FLT3: variants seen among roughly 807,000 people sequenced by gnomAD.
The protein encoded by FLT3 is receptor-type tyrosine-protein kinase FLT3.
In FLT3, 46 loss-of-function variants were observed where a neutral mutation model predicts 126.6. That is an observed-to-expected ratio of 0.36 (90% CI 0.29 to 0.46). FLT3 has a LOEUF of 0.46. FLT3 is among the 20% of genes least tolerant of loss of function. The probability of loss-of-function intolerance (pLI) is 1.00; values close to 1 mark genes in which losing one functional copy is unlikely to be tolerated. For synonymous variants in FLT3, 404 were observed against 434.4 expected (o/e 0.93, Z 0.87); for missense variants, 1,069 against 1,190.3 (o/e 0.90, Z 1.50).
intron 17 of FLT3, among the ~76,000 whole-genome samples, chr13:28,026,595 CAG>C (rs1227016241): frequency 6.8e-6 from 1 of 146,598 alleles, no homozygotes; most frequent in Non-Finnish European, 1.5e-5. Flanking sequence ...AGGATAAACA[CAG>C]AGCAGAGACA....
chr13:28,058,490 C>T (rs1301048573), intron 3 of FLT3, among the ~76,000 whole-genome samples: 1 of 152,068 alleles, frequency 6.6e-6, no homozygotes, highest in Non-Finnish European at 1.5e-5. Context: ...CCAGCCTGGG[C>T]AACAAGATTG....
chr13:28,095,186 T>C (rs1364185709), intron 1 of FLT3, among the ~76,000 whole-genome samples: 1 of 152,152 alleles, frequency 6.6e-6, no homozygotes, highest in Non-Finnish European at 1.5e-5. Context: ...CCACCTACTG[T>C]GAAGTTCACA....
At chr13:28,072,692 G>A (rs1013264243) in intron 1 of FLT3, among the ~76,000 whole-genome samples, 51 of 152,230 alleles carry the variant, frequency 3.4e-4, no homozygotes, top group African/African-American at 1.1e-3. Flanking sequence ...CACTGTGCCT[G>A]GCCAAGATCT....
rs568364150 is a variant in FLT3 at position 28,014,640 on chromosome 13, T to C, written c.2754-83A>G. 7 of 925,110 alleles carry C rather than the reference T, an allele frequency of 7.6e-6. No individual in the cohort carries two copies. The African/African-American group carries it at 9.8e-5, about 13-fold the overall frequency. The allele number at this position is 925,110 out of a possible 1,614,324, so 57.3% of individuals were successfully genotyped here. ...TCATTTTCCATATAATGAAGCACCA[T>C]TTATTCCTCTGGAGCTGCTTATTTA... On this transcript the variant is annotated intron_variant, in intron 22 of 23. Coordinates refer to ENST00000241453, the MANE Select transcript of FLT3 (RefSeq NM_004119.3).
chr13:28,090,126 C>T lies in FLT3; in HGVS notation c.43+10342G>A, dbSNP rs184947732. Among the ~76,000 whole-genome samples, 116 of 151,874 alleles carry T rather than the reference C, an allele frequency of 7.6e-4. 2 individuals are homozygous for T. The highest frequency in any genetic ancestry group is 2.6e-3 in the African/African-American group (107 of 41,312). On this transcript the variant is annotated intron_variant, in intron 1 of 23. Transcript: ENST00000241453. ...CACAATCTCAGCTCACTGCAACCTC[C>T]GCCTCCCAGGTTCAAATGATTATCC...
chr13:28,012,492 A>G (rs1420433703), intron 23 of FLT3, among the ~76,000 whole-genome samples: 2 of 151,850 alleles, frequency 1.3e-5, no homozygotes, highest in Non-Finnish European at 2.9e-5. Flanking sequence ...TACTTTTTCA[A>G]CTTTGGACTT....
At chr13:28,073,791 T>C (rs1035899733) in intron 1 of FLT3, among the ~76,000 whole-genome samples, 7 of 151,864 alleles carry the variant, frequency 4.6e-5, no homozygotes, top group Admixed American at 3.3e-4. Context: ...TTTTAAAACA[T>C]TAGCCAAGTG....
chr13:28,028,262 C>A lies in FLT3; in HGVS notation c.1969G>T (p.Ala657Ser). 2.5e-6 allele frequency: 4 copies of A among 1,604,608 alleles called. No homozygotes were observed. The highest frequency in any genetic ancestry group is 2.6e-6 in the Non-Finnish European group (3 of 1,171,462). Reference sequence around the variant, plus strand: ...ATCATCTTGAGTTCTGACATGAGTGCCTCTCTTTCAGAGCTGTCTGCTTTT... The same window carrying A: ...ATCATCTTGAGTTCTGACATGAGTGACTCTCTTTCAGAGCTGTCTGCTTTT... ...KEKADSSERE[A>S]LMSELKMMTQ... Residue 657 changes from alanine (A) to serine (S), a missense_variant, in exon 16 of 24, where the codon GCA (alanine) becomes TCA (serine). Physicochemically the swap from Ala to Ser is moderately conservative, Grantham distance 99. Coordinates refer to ENST00000241453, the MANE Select transcript of FLT3 (RefSeq NM_004119.3).
chr13:28,017,205 A>G (rs1871940921), intron 20 of FLT3, among the ~76,000 whole-genome samples: 1 of 152,152 alleles, frequency 6.6e-6, no homozygotes, highest in South Asian at 2.1e-4. Flanking sequence ...TTATTATTTC[A>G]CAAGTAGGGA....
At chr13:28,038,026 G>A (rs1435652590) in intron 9 of FLT3, among the ~76,000 whole-genome samples, 1 of 152,194 alleles carries the variant, frequency 6.6e-6, no homozygotes, top group African/African-American at 2.4e-5. Context: ...GTTGGGGACT[G>A]CTGCTGTAGC....
chr13:28,029,654 T>G (rs899399626), intron 15 of FLT3, among the ~76,000 whole-genome samples: 1 of 152,188 alleles, frequency 6.6e-6, no homozygotes, highest in African/African-American at 2.4e-5. Context: ...GTGAGCATGG[T>G]TGACTCTAGC....
intron 1 of FLT3, among the ~76,000 whole-genome samples, chr13:28,070,843 A>T (rs1359752305): frequency 1.3e-5 from 2 of 152,158 alleles, no homozygotes; most frequent in Non-Finnish European, 2.9e-5. Context: ...GACATGTTCT[A>T]TGCCTGTGCT....
chr13:28,077,184 T>C (rs769649920), intron 1 of FLT3, among the ~76,000 whole-genome samples: 6 of 152,056 alleles, frequency 3.9e-5, no homozygotes, highest in Admixed American at 2.0e-4. Context: ...CACAGTTACA[T>C]AGTGTGTGTG....
At chr13:28,032,839 A>G (rs1481269905) in intron 15 of FLT3, among the ~76,000 whole-genome samples, 3 of 152,332 alleles carry the variant, frequency 2.0e-5, no homozygotes, top group African/African-American at 7.2e-5. Context: ...CTGAACAATC[A>G]AGTAATGAGG....
rs567778835 is a variant in FLT3 at position 28,005,186 on chromosome 13, G to A, written c.2860-1012C>T. On this transcript the variant is annotated intron_variant, in intron 23 of 23. Coordinates refer to ENST00000241453, the MANE Select transcript of FLT3 (RefSeq NM_004119.3). Reference sequence around the variant, plus strand: ...CTCTACTAAAAATACAAAACTAGCCGGGCATGGCGGCGCGCGCCTGCAGTC... The same window carrying A: ...CTCTACTAAAAATACAAAACTAGCCAGGCATGGCGGCGCGCGCCTGCAGTC... Among the ~76,000 whole-genome samples, 11 of 152,232 alleles carry A rather than the reference G, an allele frequency of 7.2e-5. No individual in the cohort carries two copies. The East Asian group carries it at 7.7e-4, about 11-fold the overall frequency.
At position 28,028,217 on chromosome 13, in the gene FLT3, C is replaced by T. The variant is rs1367367961; in HGVS notation, c.2014G>A (p.Glu672Lys). Reference sequence around the variant, plus strand: ...GCCCCCAGCAGGTTCACAATATTCTCGTGGCTTCCCAGCTGGGTCATCATC... The same window carrying T: ...GCCCCCAGCAGGTTCACAATATTCTTGTGGCTTCCCAGCTGGGTCATCATC... Reference protein sequence around the residue: ...LKMMTQLGSHENIVNLLGACT... With the variant: ...LKMMTQLGSHKNIVNLLGACT... Residue 672 changes from glutamate (E) to lysine (K), a missense_variant, in exon 16 of 24, where the codon GAG becomes AAG. Physicochemically the swap from Glu to Lys is moderately conservative, Grantham distance 56. Coordinates refer to ENST00000241453, the MANE Select transcript of FLT3 (RefSeq NM_004119.3). 11 of 1,611,636 alleles carry T rather than the reference C, an allele frequency of 6.8e-6. No individual in the cohort carries two copies. Among genetic ancestry groups the T allele is most frequent in the East Asian group, 2.2e-5 (1 of 44,864 alleles).
At chr13:28,020,771 A>C (rs1271873242) in intron 19 of FLT3, among the ~76,000 whole-genome samples, 1 of 152,084 alleles carries the variant, frequency 6.6e-6, no homozygotes, top group Admixed American at 6.6e-5. Flanking sequence ...AGTGCTTGGC[A>C]TGTAGCTGGG....
At chr13:28,093,450 C>G (rs552850086) in intron 1 of FLT3, among the ~76,000 whole-genome samples, 27 of 152,246 alleles carry the variant, frequency 1.8e-4, no homozygotes, top group Middle Eastern at 6.8e-3. Flanking sequence ...TCAGGCAACC[C>G]TGAATTTTCT....
chr13:28,050,616 T>A (rs753583141), intron 5 of FLT3, among the ~76,000 whole-genome samples: 37 of 152,082 alleles, frequency 2.4e-4, no homozygotes, highest in Non-Finnish European at 4.9e-4. Context: ...AAGGTAAGCA[T>A]CCTTTTGGGA....
Sources: allele counts gnomAD v4.1 joint callset (sites outside exome capture counted in the v4.1 genomes callset), GRCh38; gene constraint gnomAD v4.1.1; transcripts MANE v1.5; gene names NCBI Gene and HGNC (gene_info 2026-07-23, HGNC 2026-07-21).